GPBP1: variants seen among roughly 807,000 people sequenced by gnomAD.
GPBP1 encodes GC-rich promoter binding protein 1.
In GPBP1, 13 loss-of-function variants were observed where a neutral mutation model predicts 56.5. The ratio of observed to expected loss-of-function variants is 0.23; its 90% CI spans 0.15 to 0.37. GPBP1 has a LOEUF of 0.37. GPBP1 is among the 10% of genes least tolerant of loss of function. GPBP1 has a pLI of 1.00. For synonymous variants in GPBP1, 204 were observed against 188.9 expected, an observed-to-expected ratio of 1.08 and a Z score of -0.66; for missense variants, 477 against 572.3, an observed-to-expected ratio of 0.83 and a Z score of 1.70.
At chr5:57,202,382 A>C (rs1229917891) in intron 2 of GPBP1, among the ~76,000 whole-genome samples, 5 of 152,080 alleles carry the variant, frequency 3.3e-5, no homozygotes, top group Non-Finnish European at 5.9e-5. Context: ...TTCACCTCCC[A>C]GGTTGAAGTG....
At chr5:57,228,570 T>C (rs1171486504) in intron 3 of GPBP1, among the ~76,000 whole-genome samples, 1 of 38,806 alleles carries the variant, frequency 2.6e-5, no homozygotes, top group Non-Finnish European at 4.8e-5. Context: ...AGGCCAGGAG[T>C]TCAAGTCTGG....
chr5:57,259,759 C>G (rs1285694731), intron 10 of GPBP1, among the ~76,000 whole-genome samples: 1 of 151,638 alleles, frequency 6.6e-6, no homozygotes, highest in African/African-American at 2.4e-5. Flanking sequence ...GTTAAGGACT[C>G]TCTGGTGAAG....
intron 2 of GPBP1, among the ~76,000 whole-genome samples, chr5:57,188,791 T>C (rs949267893): frequency 2.6e-5 from 4 of 151,960 alleles, no homozygotes; most frequent in African/African-American, 9.7e-5. Flanking sequence ...CCCCATACTC[T>C]CTCTATTCTT....
At chr5:57,243,485 AT>A (rs1196702989) in intron 6 of GPBP1, among the ~76,000 whole-genome samples, 87 of 151,960 alleles carry the variant, frequency 5.7e-4, no homozygotes, top group Non-Finnish European at 8.8e-5. Context: ...TCTGTGAATG[AT>A]TTCTTAGGTT....
intron 2 of GPBP1, among the ~76,000 whole-genome samples, chr5:57,199,071 A>G (rs1158293614): frequency 6.6e-6 from 1 of 152,220 alleles, no homozygotes; most frequent in Non-Finnish European, 1.5e-5. Context: ...AACAAAATCG[A>G]AGTACATTTA....
intron 6 of GPBP1, chr5:57,236,944 G>A (rs1416735479): frequency 1.7e-6 from 1 of 601,562 alleles, no homozygotes; most frequent in African/African-American, 2.0e-5. Context: ...GTGCTATATT[G>A]TATGTATGAG....
chr5:57,180,854 G>C (rs1754012283), intron 2 of GPBP1, among the ~76,000 whole-genome samples: 3 of 152,080 alleles, frequency 2.0e-5, no homozygotes, highest in African/African-American at 7.2e-5. Context: ...CGATTTTCCT[G>C]CCTCAGCCTC....
At chr5:57,210,911 G>A (rs1461021643) in intron 2 of GPBP1, among the ~76,000 whole-genome samples, 2 of 152,138 alleles carry the variant, frequency 1.3e-5, no homozygotes, top group African/African-American at 4.8e-5. Context: ...TGCCTCATTT[G>A]CAGTTAATCA....
At chr5:57,237,010 T>TC in intron 6 of GPBP1, 1 of 652,566 alleles carries the variant, frequency 1.5e-6, no homozygotes, top group Non-Finnish European at 2.6e-6. Flanking sequence ...TTTAAGGGCT[T>TC]TTTGAGGGTG....
intron 6 of GPBP1, among the ~76,000 whole-genome samples, chr5:57,239,802 A>G (rs1167110356): frequency 1.3e-5 from 2 of 152,156 alleles, no homozygotes; most frequent in African/African-American, 4.8e-5. Flanking sequence ...AGAAACCAAC[A>G]ACATTCAAAC....
rs1741263081 is a variant in GPBP1, at chr5:57,249,590, T to C, written c.972+14T>C. ...GGCTCAGAGAAGGTAATTGAATTTA[T>C]AGCAATACTTGATTTGACATTGATA... On this transcript the variant is annotated intron_variant, in intron 9 of 11. Coordinates refer to ENST00000506184, the MANE Select transcript of GPBP1 (RefSeq NM_022913.4). 1.3e-6 allele frequency: 2 copies of C among 1,587,038 alleles called. No homozygotes were observed. Among genetic ancestry groups the C allele is most frequent in the African/African-American group, 2.7e-5 (2 of 73,890 alleles).
chr5:57,233,591 C>G (rs1468496426), intron 5 of GPBP1, among the ~76,000 whole-genome samples: 1 of 152,048 alleles, frequency 6.6e-6, no homozygotes, highest in Non-Finnish European at 1.5e-5. Context: ...TACAGGTAAG[C>G]TAGAGAAAAA....
chr5:57,249,672 C>A, intron 9 of GPBP1, 96 bp downstream of exon 9: 1 of 1,031,476 alleles, frequency 9.7e-7, no homozygotes. Context: ...GAATCATTTC[C>A]TTGGAAAGAA....
At chr5:57,176,568 C>A (rs1753795179) in intron 2 of GPBP1, among the ~76,000 whole-genome samples, 168 bp downstream of exon 2, 1 of 152,126 alleles carries the variant, frequency 6.6e-6, no homozygotes, top group African/African-American at 2.4e-5. Context: ...TCTGAGTAAA[C>A]TGAAATTCAG....
At chr5:57,205,169 CTT>C (rs1755178676) in intron 2 of GPBP1, among the ~76,000 whole-genome samples, 1 of 152,182 alleles carries the variant, frequency 6.6e-6, no homozygotes, top group Admixed American at 6.6e-5. Context: ...GAATTTACCT[CTT>C]ATGAATACCT....
At chr5:57,174,497 C>G (rs895567742) in intron 1 of GPBP1, among the ~76,000 whole-genome samples, 1 of 152,148 alleles carries the variant, frequency 6.6e-6, no homozygotes, top group African/African-American at 2.4e-5. Flanking sequence ...TTGGCGGAGG[C>G]TGGGAGCGAG....
At chr5:57,251,646 G>A (rs542366311) in intron 10 of GPBP1, among the ~76,000 whole-genome samples, 26 of 149,876 alleles carry the variant, frequency 1.7e-4, no homozygotes, top group African/African-American at 5.7e-4. Flanking sequence ...ATGCTGCTGT[G>A]AACATTCATA....
At chr5:57,183,893 A>G (rs1222046042) in intron 2 of GPBP1, among the ~76,000 whole-genome samples, 7 of 150,846 alleles carry the variant, frequency 4.6e-5, no homozygotes, top group Non-Finnish European at 8.8e-5. Flanking sequence ...CTTTCACATC[A>G]GCCTTCTAAG....
intron 10 of GPBP1, among the ~76,000 whole-genome samples, chr5:57,259,513 A>G (rs1741801483): frequency 6.6e-6 from 1 of 152,200 alleles, no homozygotes. Flanking sequence ...TTTGTAAGCA[A>G]TGATAGCAGT....
Sources: allele counts gnomAD v4.1 joint callset (sites outside exome capture counted in the v4.1 genomes callset), GRCh38; gene constraint gnomAD v4.1.1; transcripts MANE v1.5; gene names NCBI Gene and HGNC (gene_info 2026-07-23, HGNC 2026-07-21).